TTC9C: variants seen among roughly 807,000 people sequenced by gnomAD.
TTC9C encodes tetratricopeptide repeat protein 9C.
In TTC9C, 15 loss-of-function variants were observed where a neutral mutation model predicts 22.5. That is an observed-to-expected ratio of 0.67 (90% CI 0.45 to 1.03). TTC9C has a LOEUF of 1.03. Among genes scored for constraint, TTC9C ranks in the 50% least tolerant of loss-of-function variants. TTC9C has a pLI of 0.00. For synonymous variants in TTC9C, 92 were observed against 86.8 expected (o/e 1.06, Z -0.33); for missense variants, 244 against 214.6 (o/e 1.14, Z -0.86).
Position 62,729,061 on chromosome 11 carries a change from G to A in TTC9C, c.213G>A (p.Gln71=), listed in dbSNP as rs745709675. Residue 71 remains glutamine (Q), a synonymous_variant, in exon 1 of 3, where the codon CAG becomes CAA. Transcript: ENST00000316461. ...AAGAAAACATATTGCATACCACCCA[G>A]ACAGACTGCTATAACAATCTAGCTG... The part of the protein sequence containing the change: ...PEQENILHTT[Q]TDCYNNLAAC... 5.0e-6 allele frequency: 8 copies of A among 1,614,050 alleles called. No individual in the cohort carries two copies. The highest frequency in any genetic ancestry group is 6.8e-6 in the Non-Finnish European group (8 of 1,180,012).
intron 1 of TTC9C, among the ~76,000 whole-genome samples, chr11:62,734,754 A>T (rs1378778890): frequency 6.6e-6 from 1 of 152,136 alleles, no homozygotes; most frequent in African/African-American, 2.4e-5. Context: ...AAGTGCTAGG[A>T]TTACAGCATG....
At chr11:62,732,612 C>A (rs3016237) in intron 1 of TTC9C, among the ~76,000 whole-genome samples, 51 of 138,590 alleles carry the variant, frequency 3.7e-4, no homozygotes, top group South Asian at 4.6e-4. Flanking sequence ...AACTCCGTCT[C>A]AAAAAAAAAA....
At position 62,729,038 on chromosome 11, in the gene TTC9C, G is replaced by A. The variant is rs757929060; in HGVS notation, c.190G>A (p.Glu64Lys). Reference protein sequence around the residue: ...PQGPALTPEQENILHTTQTDC... With the variant: ...PQGPALTPEQKNILHTTQTDC... The stretch of plus-strand genomic sequence containing the variant: ...GGGCCCGGCCCTCACGCCTGAACAA[G>A]AAAACATATTGCATACCACCCAGAC... The change falls in exon 1 of 3, where the codon GAA becomes AAA. Residue 64 changes from glutamate (E) to lysine (K), a missense_variant. Coordinates refer to ENST00000316461, the MANE Select transcript of TTC9C (RefSeq NM_173810.4). The A allele has an allele frequency of 4.3e-6, 7 of 1,614,064 alleles. No homozygotes were observed. Among genetic ancestry groups the A allele is most frequent in the African/African-American group, 1.3e-5 (1 of 75,004 alleles).
chr11:62,732,385 G>A (rs1284577086), intron 1 of TTC9C, among the ~76,000 whole-genome samples: 1 of 152,022 alleles, frequency 6.6e-6, no homozygotes, highest in African/African-American at 2.4e-5. Context: ...GAGGTGGGCG[G>A]ATCACCTGAG....
chr11:62,731,861 AT>A (rs914604645), intron 1 of TTC9C, among the ~76,000 whole-genome samples: 3 of 132,376 alleles, frequency 2.3e-5, no homozygotes, highest in African/African-American at 8.6e-5. Context: ...TTTTTTTTGT[AT>A]TTTTAGTAGA....
At chr11:62,728,456 G>C (rs756199663), upstream of TTC9C, 9 of 465,622 alleles carry the variant, frequency 1.9e-5, no homozygotes, top group Non-Finnish European at 3.4e-5. Context: ...CAGGTCGGGG[G>C]GGGGCGGGTC....
At chr11:62,735,247 G>A (rs902970140) in intron 1 of TTC9C, 135 bp from the exon 2 acceptor site, 23 of 1,164,412 alleles carry the variant, frequency 2.0e-5, no homozygotes, top group Non-Finnish European at 2.6e-5. Flanking sequence ...AAGAGTGTCT[G>A]GCATATGGGA....
intron 1 of TTC9C, among the ~76,000 whole-genome samples, 170 bp downstream of exon 1, chr11:62,729,256 G>C (rs2083814158): frequency 6.6e-6 from 1 of 151,878 alleles, no homozygotes; most frequent in Non-Finnish European, 1.5e-5. Context: ...AGTTGCCATA[G>C]AGCAGGGCTT....
upstream of TTC9C, chr11:62,728,166 G>A (rs565603833): frequency 1.0e-4 from 24 of 237,928 alleles, no homozygotes; most frequent in African/African-American, 4.8e-4. Flanking sequence ...CAAACTGTAC[G>A]CATCTCTGAC....
upstream of TTC9C, chr11:62,728,360 A>C (rs981510951): frequency 5.5e-6 from 2 of 363,950 alleles, no homozygotes; most frequent in Non-Finnish European, 1.1e-5. Flanking sequence ...ACGTCAACAA[A>C]TAAATGTTGA....
Position 62,738,289 on chromosome 11 carries a change from T to G in TTC9C, c.423T>G (p.Asp141Glu). Residue 141 changes from aspartate (D) to glutamate (E), a missense_variant and splice_region_variant, in exon 3 of 3, where the codon GAT becomes GAG. Physicochemically the swap from Asp to Glu is conservative, Grantham distance 45 (BLOSUM62 2). Coordinates refer to ENST00000316461, the MANE Select transcript of TTC9C (RefSeq NM_173810.4). The stretch of plus-strand genomic sequence containing the variant: ...ATTGCTTCTCCATCATCTTCCAAGA[T>G]GCCAACGTCCGGCGGTACCTCCAGC... ...LLAAVNRQPKDANVRRYLQLT... is the reference protein window; with the variant it reads ...LLAAVNRQPKEANVRRYLQLT... 3 of 1,608,732 alleles carry G rather than the reference T, an allele frequency of 1.9e-6. No individual in the cohort carries two copies. The highest frequency in any genetic ancestry group is 2.6e-6 in the Non-Finnish European group (3 of 1,176,460).
intron 2 of TTC9C, among the ~76,000 whole-genome samples, chr11:62,737,753 C>G (rs2083928228): frequency 6.6e-6 from 1 of 152,178 alleles, no homozygotes. Context: ...CAACCAGTGT[C>G]CAGGCATGGT....
chr11:62,734,885 C>T (rs1261763682), intron 1 of TTC9C, among the ~76,000 whole-genome samples: 1 of 152,168 alleles, frequency 6.6e-6, no homozygotes, highest in Non-Finnish European at 1.5e-5. Flanking sequence ...AAGTAGATTA[C>T]AAGATATATG....
intron 1 of TTC9C, among the ~76,000 whole-genome samples, chr11:62,732,716 G>A (rs2083866529): frequency 6.6e-6 from 1 of 152,072 alleles, no homozygotes; most frequent in Admixed American, 6.6e-5. Context: ...GTCAGGAGAT[G>A]GAGACCATCC....
intron 1 of TTC9C, among the ~76,000 whole-genome samples, chr11:62,732,314 A>G (rs1025139982): frequency 2.6e-5 from 4 of 151,452 alleles, no homozygotes; most frequent in African/African-American, 4.8e-5. Context: ...ACTTTTAAAA[A>G]TTAATTTACT....
At chr11:62,737,938 TGA>T (rs1446291817) in intron 2 of TTC9C, among the ~76,000 whole-genome samples, 1 of 151,934 alleles carries the variant, frequency 6.6e-6, no homozygotes, top group Non-Finnish European at 1.5e-5. Context: ...GGCTGAGGCA[TGA>T]GAATTGCTTG....
Position 62,728,982 on chromosome 11 carries a change from T to A in TTC9C, c.134T>A (p.Leu45Gln). 3 of 1,614,158 alleles carry A rather than the reference T, an allele frequency of 1.9e-6. 1 individual carries two copies. In the South Asian group the frequency reaches 3.3e-5, roughly 18 times the overall value. The change falls in exon 1 of 3, where the codon CTG (leucine) becomes CAG (glutamine). Residue 45 changes from leucine to glutamine, a missense_variant. Leu to Gln is a moderately radical substitution (Grantham distance 113). Coordinates refer to ENST00000316461, the MANE Select transcript of TTC9C (RefSeq NM_173810.4). ...CAGCTGCGGGGTCTGGATCCGAGTC[T>A]GCCCTCTCCGTTACCTAATCTCGGA... ...LLQLRGLDPS[L>Q]PSPLPNLGPQ...
intron 2 of TTC9C, among the ~76,000 whole-genome samples, chr11:62,737,937 A>G (rs769150681): frequency 2.0e-5 from 3 of 152,164 alleles, no homozygotes; most frequent in Non-Finnish European, 4.4e-5. Flanking sequence ...AGGCTGAGGC[A>G]TGAGAATTGC....
At position 62,728,845 on chromosome 11, in the gene TTC9C, A is replaced by G. The variant is rs2083802267; in HGVS notation, c.-4A>G. The G allele has an allele frequency of 1.2e-6, 2 of 1,614,034 alleles. No individual in the cohort carries two copies. The highest frequency in any genetic ancestry group is 1.7e-6 in the Non-Finnish European group (2 of 1,179,918). On this transcript the variant is annotated 5_prime_UTR_variant, in exon 1 of 3. Coordinates refer to ENST00000316461, the MANE Select transcript of TTC9C (RefSeq NM_173810.4). ...CAGTTCCGCAAGAACCGTGGGCGACAGTTATGGAGAAGCGTCTGCAGGAGG... is the reference window on the plus strand; with the variant it reads ...CAGTTCCGCAAGAACCGTGGGCGACGGTTATGGAGAAGCGTCTGCAGGAGG...
Sources: allele counts gnomAD v4.1 joint callset (sites outside exome capture counted in the v4.1 genomes callset), GRCh38; gene constraint gnomAD v4.1.1; transcripts MANE v1.5; gene names NCBI Gene and HGNC (gene_info 2026-07-23, HGNC 2026-07-21).